The following MCTP2 variants were observed in gnomAD, a reference collection of about 807,000 sequenced individuals.
MCTP2 encodes multiple C2 and transmembrane domain containing 2, also known as multiple C2 and transmembrane domain-containing protein 2.
In MCTP2, 132 loss-of-function variants were observed where a neutral mutation model predicts 111.6. The observed-to-expected ratio is 1.18, with a 90% CI of 1.03 to 1.37. The LOEUF (loss-of-function observed/expected upper bound fraction) is 1.37. Ranked by LOEUF, MCTP2 falls within the 40% of genes most tolerant of loss-of-function variation. The pLI, the probability that MCTP2 is intolerant of heterozygous loss-of-function variation, is 0.00. For missense variants in MCTP2, 1,183 were observed against 1,067.9 expected (o/e 1.11, Z -1.50); for synonymous variants, 395 against 387.7 (o/e 1.02, Z -0.22).
intron 8 of MCTP2, 40 bp downstream of exon 8, chr15:94,345,204 A>G (rs1273796795): frequency 1.3e-6 from 2 of 1,589,464 alleles, no homozygotes; most frequent in South Asian, 1.1e-5. Flanking sequence ...TTTGGTTAAA[A>G]ACTTTGTCTT....
chr15:94,237,323 C>T lies in MCTP2; in HGVS notation c.-66+5659C>T, dbSNP rs114004562. ...CGAGTGGAGATGAATCCTCCACTCTCTTTGGCCTTTGAGATATTTGAGAGC... is the reference window on the plus strand; with the variant it reads ...CGAGTGGAGATGAATCCTCCACTCTTTTTGGCCTTTGAGATATTTGAGAGC... On this transcript the variant is annotated intron_variant, in intron 1 of 22. Transcript: ENST00000357742. Among the ~76,000 whole-genome samples, 466 of 151,992 alleles carry T rather than the reference C, an allele frequency of 3.1e-3. 4 individuals are homozygous for T. The highest frequency in any genetic ancestry group is 0.01 in the African/African-American group (430 of 41,454).
intron 14 of MCTP2, among the ~76,000 whole-genome samples, chr15:94,392,838 C>A (rs11853964): frequency 0.098 from 14,514 of 147,884 alleles, 847 homozygotes; most frequent in Non-Finnish European, 0.12. Context: ...AACAAACAAA[C>A]AAAAAAAAAC....
chr15:94,240,429 G>C (rs1401730359), intron 1 of MCTP2, among the ~76,000 whole-genome samples: 1 of 152,030 alleles, frequency 6.6e-6, no homozygotes, highest in African/African-American at 2.4e-5. Context: ...TTGCATCCCA[G>C]GGAAATTATT....
chr15:94,423,727 G>C (rs1474096811), intron 17 of MCTP2, among the ~76,000 whole-genome samples: 2 of 152,116 alleles, frequency 1.3e-5, no homozygotes, highest in Non-Finnish European at 2.9e-5. Context: ...GTGGCTGCTT[G>C]GGAACCCTGA....
At chr15:94,349,424 A>G (rs912442643) in intron 8 of MCTP2, among the ~76,000 whole-genome samples, 2 of 152,194 alleles carry the variant, frequency 1.3e-5, no homozygotes, top group Non-Finnish European at 2.9e-5. Flanking sequence ...AGACTCAGTC[A>G]TCAGAATTGA....
intron 1 of MCTP2, among the ~76,000 whole-genome samples, chr15:94,257,994 C>T (rs964748815): frequency 2.7e-5 from 4 of 147,500 alleles, no homozygotes; most frequent in Non-Finnish European, 4.5e-5. Context: ...AAGCAATTCT[C>T]TTGTGTCAGC....
intron 1 of MCTP2, among the ~76,000 whole-genome samples, chr15:94,256,962 C>T (rs934645445): frequency 3.3e-5 from 5 of 152,072 alleles, no homozygotes; most frequent in Non-Finnish European, 5.9e-5. Context: ...CTCTGACCAA[C>T]CTTCACCTCC....
At chr15:94,463,798 C>T (rs995019044) in intron 20 of MCTP2, among the ~76,000 whole-genome samples, 1 of 152,080 alleles carries the variant, frequency 6.6e-6, no homozygotes, top group Non-Finnish European at 1.5e-5. Context: ...ATGAGCTGAG[C>T]TTTCCCTAAC....
At chr15:94,451,940 C>A (rs2084488498) in intron 19 of MCTP2, among the ~76,000 whole-genome samples, 1 of 152,160 alleles carries the variant, frequency 6.6e-6, no homozygotes, top group African/African-American at 2.4e-5. Context: ...CTGGAATATG[C>A]TAGGTACTTT....
chr15:94,389,711 G>T (rs1460936241), intron 14 of MCTP2, among the ~76,000 whole-genome samples: 1 of 151,896 alleles, frequency 6.6e-6, no homozygotes, highest in Non-Finnish European at 1.5e-5. Context: ...CTTATTTTAG[G>T]TTTAAAAACA....
intron 1 of MCTP2, among the ~76,000 whole-genome samples, chr15:94,245,705 T>C (rs190451805): frequency 5.6e-4 from 78 of 139,210 alleles, no homozygotes; most frequent in African/African-American, 2.1e-3. Flanking sequence ...TAAATATATG[T>C]GTGTGTGTGT....
At chr15:94,296,142 A>G (rs1291075994) in intron 1 of MCTP2, among the ~76,000 whole-genome samples, 2 of 152,166 alleles carry the variant, frequency 1.3e-5, no homozygotes, top group East Asian at 3.8e-4. Flanking sequence ...CCAGGTCTCC[A>G]TAGAGTGCTA....
intron 11 of MCTP2, 121 bp from the exon 12 acceptor site, chr15:94,369,966 T>TG: frequency 3.6e-6 from 2 of 553,116 alleles, no homozygotes; most frequent in Non-Finnish European, 5.9e-6. Flanking sequence ...TGGGGATTTT[T>TG]TTTTAAAGAT....
chr15:94,479,630 G>A lies in MCTP2; in HGVS notation c.*596G>A, dbSNP rs1178182342. 2.6e-5 allele frequency: 4 copies of A among 152,022 alleles called. No homozygotes were observed. Among genetic ancestry groups the A allele is most frequent in the Admixed American group, 2.6e-4 (4 of 15,286 alleles). 9.4% of individuals were successfully genotyped at this position (152,022 alleles called of 1,614,324 possible). On this transcript the variant is annotated 3_prime_UTR_variant, in exon 23 of 23. Coordinates refer to ENST00000357742, the MANE Select transcript of MCTP2 (RefSeq NM_001385001.1). Reference sequence around the variant, plus strand: ...TTAAGGATATGTATGTGAATTTTTGGGAAACCTCTCGGTGCTGGATGCCAG... The same window carrying A: ...TTAAGGATATGTATGTGAATTTTTGAGAAACCTCTCGGTGCTGGATGCCAG...
At chr15:94,245,944 C>T (rs1038472936) in intron 1 of MCTP2, among the ~76,000 whole-genome samples, 3 of 151,968 alleles carry the variant, frequency 2.0e-5, no homozygotes, top group African/African-American at 7.3e-5. Flanking sequence ...CAAGCTTCAT[C>T]TTCATGAAAA....
At chr15:94,442,264 G>A (rs2083824824) in intron 18 of MCTP2, among the ~76,000 whole-genome samples, 1 of 152,118 alleles carries the variant, frequency 6.6e-6, no homozygotes, top group Non-Finnish European at 1.5e-5. Flanking sequence ...ATCAAACTCT[G>A]GCCATTAAAT....
At chr15:94,256,488 T>C (rs1420597241) in intron 1 of MCTP2, among the ~76,000 whole-genome samples, 2 of 152,172 alleles carry the variant, frequency 1.3e-5, no homozygotes, top group Non-Finnish European at 2.9e-5. Context: ...CTTAAGCTGT[T>C]CTCCTACAAA....
At chr15:94,274,550 C>T (rs1241889750) in intron 1 of MCTP2, among the ~76,000 whole-genome samples, 1 of 151,864 alleles carries the variant, frequency 6.6e-6, no homozygotes, top group Non-Finnish European at 1.5e-5. Flanking sequence ...TTAAACTAAA[C>T]ATGATATAGA....
chr15:94,356,112 A>G (rs1476268673), intron 8 of MCTP2, 25 bp from the exon 9 acceptor site: 7 of 1,511,554 alleles, frequency 4.6e-6, no homozygotes, highest in African/African-American at 4.2e-5. Context: ...GCAAGTTTAC[A>G]TGTCATCTTT....
Sources: gnomAD v4.1 joint callset for allele counts (sites outside exome capture counted in the v4.1 genomes callset) on GRCh38, gnomAD v4.1.1 for gene constraint, MANE v1.5 for transcripts, NCBI Gene and HGNC (gene_info 2026-07-23, HGNC 2026-07-21) for gene names.